CACNA1B: variants seen among roughly 807,000 people sequenced by gnomAD.
CACNA1B encodes the protein voltage-dependent N-type calcium channel subunit alpha-1B.
A neutral mutation model predicts 247.2 loss-of-function variants in CACNA1B; 70 were observed. The ratio of observed to expected loss-of-function variants is 0.28; its 90% CI spans 0.23 to 0.35. The LOEUF (loss-of-function observed/expected upper bound fraction) is 0.35, where lower values mean the gene tolerates loss of function less well. Ranked by LOEUF, CACNA1B falls within the 10% of genes least tolerant of loss-of-function variation. The pLI is 1.00. For missense variants in CACNA1B, 2,367 were observed against 3,197.4 expected (o/e 0.74, Z 6.26); for synonymous variants, 1,231 against 1,294.4 (o/e 0.95, Z 1.05).
intron 6 of CACNA1B, among the ~76,000 whole-genome samples, chr9:137,946,460 A>G (rs900541426): frequency 6.6e-6 from 1 of 152,202 alleles, no homozygotes; most frequent in Non-Finnish European, 1.5e-5. Flanking sequence ...TAACCAGGAA[A>G]GACAGAAAAG....
intron 44 of CACNA1B, 129 bp downstream of exon 44, chr9:138,118,897 C>G (rs562610357): frequency 1.6e-6 from 1 of 609,624 alleles, no homozygotes; most frequent in South Asian, 1.9e-5. Flanking sequence ...GTGTGGAGCT[C>G]TTTGCTGAGG....
intron 6 of CACNA1B, among the ~76,000 whole-genome samples, chr9:137,949,392 G>A (rs1320350550): frequency 6.6e-6 from 1 of 151,572 alleles, no homozygotes; most frequent in Non-Finnish European, 1.5e-5. Flanking sequence ...TGTGTGGTGT[G>A]TGCGCTTGTG....
chr9:138,060,295 G>T (rs1389810398), intron 31 of CACNA1B, among the ~76,000 whole-genome samples: 1 of 152,200 alleles, frequency 6.6e-6, no homozygotes, highest in African/African-American at 2.4e-5. Context: ...GAAATCAATG[G>T]CAGAAAATCT....
rs147184116 is a variant in CACNA1B, at chr9:138,111,163, A to G, written c.5429-1235A>G. ...GTTACTTCTATGGTCCAGCCATTGC[A>G]CTTAGGAAATGAAAACATACATCCA... is the stretch of plus-strand genomic sequence containing the variant. On this transcript the variant is annotated intron_variant, in intron 39 of 46. Coordinates refer to ENST00000371372, the MANE Select transcript of CACNA1B (RefSeq NM_000718.4). 1.6e-3 allele frequency among the ~76,000 whole-genome samples: 251 copies of G among 152,352 alleles called. 6 individuals carry two copies. In the East Asian group the frequency reaches 0.04, roughly 24 times the overall value.
rs1588974122 is a variant in CACNA1B at position 137,882,602 on chromosome 9, T to G, written c.391-142T>G. 3.6e-6 allele frequency: 3 copies of G among 840,230 alleles called. No individual in the cohort carries two copies. Among genetic ancestry groups the G allele is most frequent in the South Asian group, 1.7e-5 (1 of 58,178 alleles). 52.0% of individuals were successfully genotyped at this position (840,230 alleles called of 1,614,324 possible). A position where few individuals can be genotyped will look rare whatever the true frequency, so the allele number is the denominator to read the frequency against. On this transcript the variant is annotated intron_variant, in intron 2 of 46. Coordinates refer to ENST00000371372, the MANE Select transcript of CACNA1B (RefSeq NM_000718.4). The surrounding 1 kb of genome is among the most constrained non-coding windows in gnomAD (Gnocchi z 4.0). ...ATGGCTCCTTGGAGAATCTGCAGGGTGTTGGGGGCAAGGTGAGGAGGGTCA... is the reference window on the plus strand; with the variant it reads ...ATGGCTCCTTGGAGAATCTGCAGGGGGTTGGGGGCAAGGTGAGGAGGGTCA...
intron 9 of CACNA1B, 135 bp downstream of exon 9, chr9:137,956,962 C>A (rs1432817268): frequency 4.2e-6 from 3 of 708,828 alleles, no homozygotes; most frequent in Non-Finnish European, 7.6e-6. Flanking sequence ...ATCACATGAA[C>A]ACAGACTAGG....
intron 6 of CACNA1B, among the ~76,000 whole-genome samples, chr9:137,951,510 T>G (rs914913267): frequency 5.9e-5 from 9 of 152,154 alleles, no homozygotes; most frequent in African/African-American, 9.7e-5. Flanking sequence ...GCTGCCTCCC[T>G]TGGCACCCAC....
chr9:138,001,675 A>G (rs1243936944), intron 15 of CACNA1B, among the ~76,000 whole-genome samples: 2 of 152,158 alleles, frequency 1.3e-5, no homozygotes, highest in African/African-American at 4.8e-5. Flanking sequence ...AATCCTAGAT[A>G]ATATATTAGA....
intron 12 of CACNA1B, among the ~76,000 whole-genome samples, chr9:137,983,708 G>A (rs777795288): frequency 1.3e-5 from 2 of 152,148 alleles, no homozygotes; most frequent in Non-Finnish European, 2.9e-5. Flanking sequence ...TTGCTAGTCT[G>A]TGAGAGAACA....
intron 3 of CACNA1B, among the ~76,000 whole-genome samples, chr9:137,897,709 A>G (rs1265366620): frequency 5.9e-5 from 9 of 151,718 alleles, no homozygotes; most frequent in Non-Finnish European, 1.2e-4. Context: ...TATCATTTTA[A>G]TCATTATTAT....
chr9:138,045,567 C>T (rs118143609), intron 21 of CACNA1B, among the ~76,000 whole-genome samples: 1,550 of 152,306 alleles, frequency 0.01, 23 homozygotes, highest in African/African-American at 0.033. Flanking sequence ...GAAGGCACTG[C>T]GTTCACTGAG....
rs1328609047 is a variant in CACNA1B at position 137,919,845 on chromosome 9, AG to A, written c.966+2415del. ...AAAAGCTGGTGGCAGCGGGTGGGGCAGCGTGGGGGCACTCCAGCTTGAGGAG... is the reference window on the plus strand; with the variant it reads ...AAAAGCTGGTGGCAGCGGGTGGGGCACGTGGGGGCACTCCAGCTTGAGGAG... On this transcript the variant is annotated intron_variant, in intron 6 of 46. Coordinates refer to ENST00000371372, the MANE Select transcript of CACNA1B (RefSeq NM_000718.4). This position sits in a 1 kb window ranked among gnomAD's most constrained non-coding sequence, Gnocchi z 4.6. 6.6e-6 allele frequency among the ~76,000 whole-genome samples: 1 copy of A among 152,172 alleles called. No homozygotes were observed. Among genetic ancestry groups the A allele is most frequent in the Non-Finnish European group, 1.5e-5 (1 of 68,022 alleles).
chr9:138,105,719 GC>G lies in CACNA1B; in HGVS notation c.5343del (p.Ile1782SerfsTer6). On this transcript the variant is annotated frameshift_variant, in exon 39 of 47. Transcript: ENST00000371372. LOFTEE classifies it high-confidence loss of function. ...AYKRLVRMNM[P>X]ISNEDMTVHF... is the part of the protein sequence containing the mutation. ...CCTAGCGCCTGGTTCGCATGAACATGCCCATCTCCAACGAGGACATGACTGT... is the reference window on the plus strand; with the variant it reads ...CCTAGCGCCTGGTTCGCATGAACATGCCATCTCCAACGAGGACATGACTGT... The G allele has an allele frequency of 6.4e-7, 1 of 1,560,212 alleles. No homozygotes were observed.
intron 15 of CACNA1B, among the ~76,000 whole-genome samples, chr9:138,005,405 A>G (rs1432140310): frequency 6.6e-6 from 1 of 152,216 alleles, no homozygotes; most frequent in East Asian, 1.9e-4. Flanking sequence ...ATGTGAGAGC[A>G]AAAAAGCTGA....
At chr9:138,029,789 A>G (rs1958966541) in intron 20 of CACNA1B, among the ~76,000 whole-genome samples, 1 of 151,326 alleles carries the variant, frequency 6.6e-6, no homozygotes, top group Admixed American at 6.6e-5. Context: ...ATTTTTTTGT[A>G]TTTTTAATAG....
intron 6 of CACNA1B, among the ~76,000 whole-genome samples, chr9:137,947,398 C>T (rs530749784): frequency 2.6e-5 from 4 of 152,174 alleles, no homozygotes; most frequent in East Asian, 1.9e-4. Context: ...CAGCACAAAT[C>T]GGCCTTAGGG....
At chr9:137,941,324 G>A (rs937177902) in intron 6 of CACNA1B, among the ~76,000 whole-genome samples, 1 of 151,918 alleles carries the variant, frequency 6.6e-6, no homozygotes, top group Admixed American at 6.6e-5. Context: ...TACAATAGCT[G>A]CAAAACAAAC....
Position 138,058,867 on chromosome 9 carries a change from A to G in CACNA1B, c.4473+134A>G, listed in dbSNP as rs1041769677. Reference sequence around the variant, plus strand: ...GTAGTGGCCTTGCATCCTGGCCAGCATGGGATGCCTGTGGAATCCTGTTTC... The same window carrying G: ...GTAGTGGCCTTGCATCCTGGCCAGCGTGGGATGCCTGTGGAATCCTGTTTC... On this transcript the variant is annotated intron_variant, in intron 29 of 46. Transcript: ENST00000371372. The surrounding 1 kb of genome is among the most constrained non-coding windows in gnomAD (Gnocchi z 4.7). 4.6e-5 allele frequency: 39 copies of G among 846,262 alleles called. No homozygotes were observed. In the East Asian group the frequency reaches 1.0e-3, roughly 22 times the overall value. 52.4% of individuals were successfully genotyped at this position (846,262 alleles called of 1,614,324 possible). A position where few individuals can be genotyped will look rare whatever the true frequency, so the allele number is the denominator to read the frequency against.
intron 42 of CACNA1B, among the ~76,000 whole-genome samples, chr9:138,116,759 T>A (rs1411806253): frequency 1.3e-5 from 2 of 152,206 alleles, no homozygotes; most frequent in East Asian, 3.8e-4. Context: ...TGGTGTTATT[T>A]CAGGGTTAGC....
Sources: allele counts gnomAD v4.1 joint callset (sites outside exome capture counted in the v4.1 genomes callset), GRCh38; gene constraint gnomAD v4.1.1; non-coding constraint Gnocchi (gnomAD v3.1); transcripts MANE v1.5; gene names NCBI Gene and HGNC (gene_info 2026-07-23, HGNC 2026-07-21).